Variants in TRAPPC12 observed in about 807,000 individuals in gnomAD.
TRAPPC12 encodes trafficking protein particle complex subunit 12.
In TRAPPC12, 61 loss-of-function variants were observed where a neutral mutation model predicts 69.2. The observed-to-expected ratio is 0.88, with a 90% CI of 0.72 to 1.09. The LOEUF (loss-of-function observed/expected upper bound fraction) is 1.09. Among genes scored for constraint, TRAPPC12 ranks in the 50% least tolerant of loss-of-function variants. TRAPPC12 has a pLI of 0.00. For missense variants in TRAPPC12, 1,101 were observed against 1,016.4 expected (o/e 1.08, Z -1.13); for synonymous variants, 469 against 438.9 (o/e 1.07, Z -0.86).
At chr2:3,468,316 AG>A (rs1240378497) in intron 9 of TRAPPC12, among the ~76,000 whole-genome samples, 1 of 151,952 alleles carries the variant, frequency 6.6e-6, no homozygotes, top group African/African-American at 2.4e-5. Flanking sequence ...GGGGGATAAA[AG>A]CACAGGGCTC....
At chr2:3,386,361 C>G (rs2103424071) in intron 1 of TRAPPC12, among the ~76,000 whole-genome samples, 1 of 152,206 alleles carries the variant, frequency 6.6e-6, no homozygotes, top group East Asian at 1.9e-4. Context: ...AGAACAAATA[C>G]TTTTTTACAG....
chr2:3,449,812 T>C (rs1442964505), intron 6 of TRAPPC12, among the ~76,000 whole-genome samples: 1 of 152,190 alleles, frequency 6.6e-6, no homozygotes, highest in Non-Finnish European at 1.5e-5. Context: ...CCTTCTTTTC[T>C]GCTGCTTCCA....
chr2:3,391,928 C>G (rs1660847893), intron 2 of TRAPPC12, among the ~76,000 whole-genome samples: 1 of 152,268 alleles, frequency 6.6e-6, no homozygotes, highest in East Asian at 1.9e-4. Flanking sequence ...TGTTGCTTGC[C>G]TTGCCGTTTG....
intron 6 of TRAPPC12, chr2:3,449,192 C>T (rs943344262): frequency 6.6e-6 from 1 of 152,282 alleles, no homozygotes; most frequent in South Asian, 2.1e-4. Context: ...TGCAGGCTGT[C>T]TCCCTCTGGG....
intron 3 of TRAPPC12, among the ~76,000 whole-genome samples, chr2:3,415,187 T>C (rs967199525): frequency 1.3e-5 from 2 of 152,208 alleles, no homozygotes; most frequent in Admixed American, 6.5e-5. Context: ...GCGCTCCCCT[T>C]TCGGTGGGAA....
intron 2 of TRAPPC12, among the ~76,000 whole-genome samples, chr2:3,399,316 C>A (rs1156705197): frequency 6.6e-6 from 1 of 152,230 alleles, no homozygotes; most frequent in Non-Finnish European, 1.5e-5. Flanking sequence ...TCGCTGCCCC[C>A]CTGGCTGAGA....
chr2:3,403,027 T>C (rs1661534600), intron 3 of TRAPPC12, among the ~76,000 whole-genome samples: 2 of 152,178 alleles, frequency 1.3e-5, no homozygotes, highest in Non-Finnish European at 2.9e-5. Flanking sequence ...CATGTTGAAA[T>C]GCGCCCTTAT....
At chr2:3,394,060 T>C (rs561549260) in intron 2 of TRAPPC12, among the ~76,000 whole-genome samples, 6 of 152,248 alleles carry the variant, frequency 3.9e-5, no homozygotes, top group East Asian at 3.9e-4. Context: ...TTTGGAGATA[T>C]GTGGGCCAGC....
intron 3 of TRAPPC12, among the ~76,000 whole-genome samples, chr2:3,407,959 A>T (rs1661821281): frequency 6.6e-6 from 1 of 152,100 alleles, no homozygotes; most frequent in African/African-American, 2.4e-5. Context: ...TCTGGCTCTC[A>T]CAGTAGCCAC....
intron 6 of TRAPPC12, among the ~76,000 whole-genome samples, chr2:3,453,076 C>A (rs556213168): frequency 6.6e-5 from 10 of 152,236 alleles, no homozygotes; most frequent in Non-Finnish European, 1.3e-4. Flanking sequence ...CATCCCTGTT[C>A]TTGTCACTGC....
chr2:3,465,501 C>G, intron 8 of TRAPPC12, 96 bp from the exon 9 acceptor site: 1 of 858,620 alleles, frequency 1.2e-6, no homozygotes, highest in Non-Finnish European at 1.9e-6. Context: ...TGTCCTCTCT[C>G]TACACCGCGT....
At chr2:3,465,387 C>A (rs1324941315) in intron 8 of TRAPPC12, among the ~76,000 whole-genome samples, 1 of 151,970 alleles carries the variant, frequency 6.6e-6, no homozygotes, top group Non-Finnish European at 1.5e-5. Flanking sequence ...GCGATGCGCA[C>A]AGCTCAGAAT....
chr2:3,405,158 C>CT (rs1661657417), intron 3 of TRAPPC12, among the ~76,000 whole-genome samples: 3 of 127,250 alleles, frequency 2.4e-5, no homozygotes, highest in South Asian at 4.9e-4. Context: ...GTAGAAGTCT[C>CT]TCTTGAGATG....
chr2:3,400,196 C>A (rs1353118356), intron 2 of TRAPPC12, among the ~76,000 whole-genome samples: 1 of 152,188 alleles, frequency 6.6e-6, no homozygotes, highest in African/African-American at 2.4e-5. Context: ...TTTCAGGGAC[C>A]TCAGAGCCAC....
intron 2 of TRAPPC12, among the ~76,000 whole-genome samples, chr2:3,390,323 A>G (rs550879150): frequency 6.6e-6 from 1 of 152,224 alleles, no homozygotes; most frequent in African/African-American, 2.4e-5. Context: ...GTACAAACAT[A>G]TTTAAGTAAA....
chr2:3,415,826 C>T (rs1662350696), intron 3 of TRAPPC12, among the ~76,000 whole-genome samples: 1 of 151,886 alleles, frequency 6.6e-6, no homozygotes, highest in Non-Finnish European at 1.5e-5. Flanking sequence ...ACACCATTCT[C>T]CTGCCTCAGC....
At chr2:3,427,053 A>G (rs1239858923) in intron 5 of TRAPPC12, among the ~76,000 whole-genome samples, 3 of 152,192 alleles carry the variant, frequency 2.0e-5, no homozygotes. Flanking sequence ...GAAAAGATGG[A>G]AAGGTTAAAG....
intron 2 of TRAPPC12, among the ~76,000 whole-genome samples, chr2:3,390,252 A>G (rs1025478132): frequency 6.6e-6 from 1 of 152,188 alleles, no homozygotes; most frequent in Non-Finnish European, 1.5e-5. Flanking sequence ...ATCATGATCT[A>G]CTGTTTGTTG....
chr2:3,464,410 TTGTC>T (rs1300069772), intron 8 of TRAPPC12, among the ~76,000 whole-genome samples: 5 of 150,294 alleles, frequency 3.3e-5, no homozygotes, highest in Non-Finnish European at 7.4e-5. Flanking sequence ...GGAATTGTAC[TTGTC>T]TGTCTTTCTT....
Sources: gnomAD v4.1 joint callset for allele counts (sites outside exome capture counted in the v4.1 genomes callset) on GRCh38, gnomAD v4.1.1 for gene constraint, MANE v1.5 for transcripts, NCBI Gene and HGNC (gene_info 2026-07-23, HGNC 2026-07-21) for gene names.